The following CAMTA1 variants were observed in gnomAD, a reference collection of about 807,000 sequenced individuals.
CAMTA1 encodes the protein calmodulin-binding transcription activator 1.
CAMTA1 carries 27 observed loss-of-function variants against 170.9 expected under a neutral mutation model. The observed-to-expected ratio is 0.16, with a 90% CI of 0.12 to 0.22. The LOEUF (loss-of-function observed/expected upper bound fraction) is 0.22. CAMTA1 is among the 10% of genes least tolerant of loss of function. The pLI is 1.00. For missense variants in CAMTA1, 1,619 were observed against 2,217.2 expected, an observed-to-expected ratio of 0.73 and a Z score of 5.42; for synonymous variants, 833 against 891.5, an observed-to-expected ratio of 0.93 and a Z score of 1.17.
intron 6 of CAMTA1, among the ~76,000 whole-genome samples, chr1:7,509,938 A>G (rs2094177978): frequency 6.6e-6 from 1 of 151,764 alleles, no homozygotes; most frequent in Admixed American, 6.6e-5. Flanking sequence ...CCAAGGGGGA[A>G]AAGCTACCCT....
At chr1:7,112,957 C>T (rs758426686) in intron 4 of CAMTA1, among the ~76,000 whole-genome samples, 32 of 152,292 alleles carry the variant, frequency 2.1e-4, no homozygotes, top group Non-Finnish European at 3.5e-4. Flanking sequence ...GATGCATTTT[C>T]TCATGCTGCT....
chr1:7,146,056 G>A lies in CAMTA1; in HGVS notation c.302+54685G>A, dbSNP rs944268832. Reference sequence around the variant, plus strand: ...TATTTACTGAACACTTACTACGTGCGTGGCACTATGCCCAGTGCTTTAATT... The same window carrying A: ...TATTTACTGAACACTTACTACGTGCATGGCACTATGCCCAGTGCTTTAATT... On this transcript the variant is annotated intron_variant, in intron 4 of 22. Coordinates refer to ENST00000303635, the MANE Select transcript of CAMTA1 (RefSeq NM_015215.4). This position sits in a 1 kb window ranked among gnomAD's most constrained non-coding sequence, Gnocchi z 4.3. 4.6e-5 allele frequency among the ~76,000 whole-genome samples: 7 copies of A among 152,182 alleles called. No homozygotes were observed. The highest frequency in any genetic ancestry group is 1.7e-4 in the African/African-American group (7 of 41,434).
At chr1:7,407,666 GAC>G (rs1333963513) in intron 5 of CAMTA1, among the ~76,000 whole-genome samples, 21 of 152,156 alleles carry the variant, frequency 1.4e-4, no homozygotes, top group African/African-American at 4.8e-4. Context: ...TTTGCACTGA[GAC>G]AGCGCGTCTC....
At chr1:6,998,598 TC>T (rs1161410756) in intron 3 of CAMTA1, among the ~76,000 whole-genome samples, 3 of 152,220 alleles carry the variant, frequency 2.0e-5, no homozygotes, top group Non-Finnish European at 4.4e-5. Context: ...CTTTGCCTTC[TC>T]CATAGCACCG....
rs761278974 is a variant in CAMTA1 at position 7,737,292 on chromosome 1, T to C, written c.3380T>C (p.Val1127Ala). 7 of 1,614,012 alleles carry C rather than the reference T, an allele frequency of 4.3e-6. No homozygotes were observed. In the East Asian group the frequency reaches 1.6e-4, roughly 36 times the overall value. The stretch of plus-strand genomic sequence containing the variant: ...GCCCTAGGGCACTTGGAAGCTGCCG[T>C]CGTGCTGTACAAGTGGGACCGTCGG... ...ACALGHLEAA[V>A]VLYKWDRRAI... Residue 1127 changes from valine (V) to alanine (A), a missense_variant, in exon 15 of 23, where the codon GTC (valine) becomes GCC (alanine). Val to Ala is a moderately conservative substitution (Grantham distance 64, BLOSUM62 0). Around this residue, in one of 8 missense-constraint regions of CAMTA1, gnomAD observed 60 missense variants for 128.5 expected, o/e 0.47. Coordinates refer to ENST00000303635, the MANE Select transcript of CAMTA1 (RefSeq NM_015215.4).
rs545029970 is a variant in CAMTA1, at chr1:7,435,764, G to A, written c.439-32066G>A. 9.1e-4 allele frequency among the ~76,000 whole-genome samples: 139 copies of A among 152,342 alleles called. No individual in the cohort carries two copies. The highest frequency in any genetic ancestry group is 3.3e-3 in the African/African-American group (138 of 41,600). Reference sequence around the variant, plus strand: ...TGGCACAGGGGCCCGCCTATCTGAAGTCAGGGCAATCCACGCAGAGAGCCC... The same window carrying A: ...TGGCACAGGGGCCCGCCTATCTGAAATCAGGGCAATCCACGCAGAGAGCCC... On this transcript the variant is annotated intron_variant, in intron 5 of 22. Transcript: ENST00000303635. This position sits in a 1 kb window ranked among gnomAD's most constrained non-coding sequence, Gnocchi z 4.4.
rs2095338237 is a variant in CAMTA1 at position 7,589,440 on chromosome 1, C to T, written c.511-50960C>T. Among the ~76,000 whole-genome samples, 10 of 152,314 alleles carry T rather than the reference C, an allele frequency of 6.6e-5. No individual in the cohort carries two copies. In the South Asian group the frequency reaches 2.1e-3, roughly 32 times the overall value. On this transcript the variant is annotated intron_variant, in intron 6 of 22. Transcript: ENST00000303635. ...GTCATTTCCAAGTGAAGGAGGACAG[C>T]TTGACTGTGGGATGCTTGGGGACCC...
At chr1:7,392,252 C>G (rs900353557) in intron 5 of CAMTA1, among the ~76,000 whole-genome samples, 1 of 113,364 alleles carries the variant, frequency 8.8e-6, no homozygotes, top group Non-Finnish European at 1.8e-5. Flanking sequence ...ATGGTGAGAC[C>G]CCCATCTTTT....
At chr1:7,040,702 G>T (rs1011540212) in intron 3 of CAMTA1, among the ~76,000 whole-genome samples, 7 of 150,926 alleles carry the variant, frequency 4.6e-5, no homozygotes, top group African/African-American at 1.5e-4. Flanking sequence ...AGGACTTTCT[G>T]CCTTGGCCAT....
rs2096068040 is a variant in CAMTA1 at position 7,672,346 on chromosome 1, A to T, written c.2779+1309A>T. Among the ~76,000 whole-genome samples the T allele has an allele frequency of 2.0e-5, 3 of 152,032 alleles. No homozygotes were observed. In the South Asian group the frequency reaches 6.2e-4, roughly 32 times the overall value. On this transcript the variant is annotated intron_variant, in intron 10 of 22. Transcript: ENST00000303635. The stretch of plus-strand genomic sequence containing the variant: ...TCTGCCACCACCACCCCACCCTTGA[A>T]CCATGCCCCCAGGCTGGGCCAGCTG...
chr1:6,944,593 A>C (rs893288371), intron 3 of CAMTA1, among the ~76,000 whole-genome samples: 7 of 151,934 alleles, frequency 4.6e-5, no homozygotes, highest in African/African-American at 1.7e-4. Context: ...GCTGTCCTCC[A>C]CCACCCTCCA....
chr1:6,822,496 A>T (rs904044530), intron 2 of CAMTA1, among the ~76,000 whole-genome samples: 1 of 152,248 alleles, frequency 6.6e-6, no homozygotes, highest in South Asian at 2.1e-4. Flanking sequence ...ACCCATTGTT[A>T]TGTTTCTTAA....
In CAMTA1 at chr1:7,482,121, C is replaced by T. The variant is rs749134257; in HGVS notation, c.510+14220C>T. Among the ~76,000 whole-genome samples, 2 of 152,148 alleles carry T rather than the reference C, an allele frequency of 1.3e-5. No homozygotes were observed. Among genetic ancestry groups the T allele is most frequent in the Non-Finnish European group, 2.9e-5 (2 of 68,038 alleles). Reference sequence around the variant, plus strand: ...ATACTTGGCTTCTTTCACTCCACATCGTATTTTGCCATTCATCATGTTGCT... The same window carrying T: ...ATACTTGGCTTCTTTCACTCCACATTGTATTTTGCCATTCATCATGTTGCT... On this transcript the variant is annotated intron_variant, in intron 6 of 22. Coordinates refer to ENST00000303635, the MANE Select transcript of CAMTA1 (RefSeq NM_015215.4). This position sits in a 1 kb window ranked among gnomAD's most constrained non-coding sequence, Gnocchi z 4.2.
At chr1:7,381,482 A>AC (rs1252113320) in intron 5 of CAMTA1, among the ~76,000 whole-genome samples, 5 of 151,550 alleles carry the variant, frequency 3.3e-5, no homozygotes, top group Non-Finnish European at 7.4e-5. Flanking sequence ...AAGGACATGA[A>AC]CTCATCATTT....
Position 7,665,233 on chromosome 1 carries a change from C to T in CAMTA1, c.2652+34C>T. 1.4e-6 allele frequency: 2 copies of T among 1,424,156 alleles called. No homozygotes were observed. Among genetic ancestry groups the T allele is most frequent in the Non-Finnish European group, 1.8e-6 (2 of 1,092,380 alleles). The allele number at this position is 1,424,156 out of a possible 1,614,324, so 88.2% of individuals were successfully genotyped here. A position where few individuals can be genotyped will look rare whatever the true frequency, so the allele number is the denominator to read the frequency against. Reference sequence around the variant, plus strand: ...CCGCCGCTGCCACCACCTGTCACCTCCCCTCCCACCCACCTCGCCAGCCCC... The same window carrying T: ...CCGCCGCTGCCACCACCTGTCACCTTCCCTCCCACCCACCTCGCCAGCCCC... On this transcript the variant is annotated intron_variant, in intron 9 of 22. Transcript: ENST00000303635. The surrounding 1 kb of genome is among the most constrained non-coding windows in gnomAD (Gnocchi z 4.3).
intron 6 of CAMTA1, among the ~76,000 whole-genome samples, chr1:7,475,857 T>C (rs769246061): frequency 1.3e-5 from 2 of 152,176 alleles, no homozygotes; most frequent in African/African-American, 4.8e-5. Context: ...CCAGGCCCTT[T>C]AAACAGACGT....
chr1:7,285,441 C>T (rs1234406724), intron 5 of CAMTA1, among the ~76,000 whole-genome samples: 5 of 152,144 alleles, frequency 3.3e-5, no homozygotes, highest in African/African-American at 9.7e-5. Context: ...AACATTGTAG[C>T]CCATGGCACT....
At chr1:7,480,416 TGA>T (rs368317989) in intron 6 of CAMTA1, among the ~76,000 whole-genome samples, 1 of 148,668 alleles carries the variant, frequency 6.7e-6, no homozygotes, top group African/African-American at 2.5e-5. Context: ...TGTGTGTGTG[TGA>T]GAGAGAGAGA....
intron 11 of CAMTA1, chr1:7,694,054 G>A (rs1047695895): frequency 1.3e-5 from 2 of 152,214 alleles, no homozygotes; most frequent in Non-Finnish European, 2.9e-5. Flanking sequence ...CTCCCAGAAG[G>A]TGAGGACAAA....
Sources: gnomAD v4.1 joint callset for allele counts (sites outside exome capture counted in the v4.1 genomes callset) on GRCh38, gnomAD v4.1.1 for gene constraint, gnomAD v4.1.1 regional missense constraint, Gnocchi (gnomAD v3.1) non-coding constraint, MANE v1.5 for transcripts, NCBI Gene and HGNC (gene_info 2026-07-23, HGNC 2026-07-21) for gene names.